Variants in MLLT10 observed in about 807,000 individuals in gnomAD.
MLLT10 encodes MLLT10 histone lysine methyltransferase DOT1L cofactor.
A neutral mutation model predicts 129.1 loss-of-function variants in MLLT10; 30 were observed. The observed-to-expected ratio is 0.23, with a 90% CI of 0.17 to 0.32. The LOEUF (loss-of-function observed/expected upper bound fraction) is 0.32. Ranked by LOEUF, MLLT10 falls within the 10% of genes least tolerant of loss-of-function variation. MLLT10 has a pLI of 1.00. For missense variants in MLLT10, 1,119 were observed against 1,268.3 expected (o/e 0.88, Z 1.79); for synonymous variants, 490 against 446.4 (o/e 1.10, Z -1.23).
chr10:21,611,121 T>C (rs141374219), intron 5 of MLLT10, among the ~76,000 whole-genome samples: 3,141 of 150,696 alleles, frequency 0.021, 45 homozygotes, highest in Middle Eastern at 0.038. Context: ...CTCAGCCTCC[T>C]GAGTAGCTGG....
At chr10:21,669,586 C>T (rs1232775712) in intron 9 of MLLT10, among the ~76,000 whole-genome samples, 4 of 152,116 alleles carry the variant, frequency 2.6e-5, no homozygotes, top group Non-Finnish European at 2.9e-5. Context: ...GCTGTGCATG[C>T]CTCAGATACT....
intron 13 of MLLT10, among the ~76,000 whole-genome samples, chr10:21,684,913 T>A (rs2053138940): frequency 6.6e-6 from 1 of 152,234 alleles, no homozygotes. Flanking sequence ...TGTTTGTATC[T>A]GTTGGTGTGG....
At chr10:21,655,163 T>C (rs1327502514) in intron 9 of MLLT10, among the ~76,000 whole-genome samples, 2 of 152,094 alleles carry the variant, frequency 1.3e-5, no homozygotes, top group East Asian at 3.8e-4. Flanking sequence ...GAAGACAAGA[T>C]CATTGGAAGA....
intron 14 of MLLT10, among the ~76,000 whole-genome samples, chr10:21,714,505 T>C (rs2056381853): frequency 6.6e-6 from 1 of 152,192 alleles, no homozygotes; most frequent in Admixed American, 6.5e-5. Flanking sequence ...TTCAGATTTG[T>C]AGTTTGATAG....
intron 8 of MLLT10, among the ~76,000 whole-genome samples, chr10:21,647,545 G>T (rs1372638535): frequency 2.0e-5 from 3 of 152,114 alleles, no homozygotes; most frequent in South Asian, 2.1e-4. Context: ...AGTAATGTAT[G>T]CAAGTGCTCA....
intron 5 of MLLT10, among the ~76,000 whole-genome samples, chr10:21,599,751 A>G (rs2043346309): frequency 6.6e-6 from 1 of 152,050 alleles, no homozygotes; most frequent in Non-Finnish European, 1.5e-5. Flanking sequence ...TTTTTTTTGT[A>G]GAGTTGAGGT....
intron 5 of MLLT10, 24 bp from the exon 6 acceptor site, chr10:21,612,324 G>GT: frequency 7.3e-7 from 1 of 1,377,036 alleles, no homozygotes; most frequent in Non-Finnish European, 1.0e-6. Context: ...TATGATTTTT[G>GT]TCTTTTTTTT....
intron 8 of MLLT10, among the ~76,000 whole-genome samples, chr10:21,629,267 A>G (rs747589154): frequency 3.3e-5 from 5 of 151,530 alleles, no homozygotes; most frequent in African/African-American, 4.8e-5. Context: ...TTCTGACTAA[A>G]TGTCTTATTT....
intron 13 of MLLT10, among the ~76,000 whole-genome samples, chr10:21,701,284 ATTT>A (rs57132583): frequency 1.6e-5 from 2 of 123,974 alleles, no homozygotes; most frequent in Non-Finnish European, 3.4e-5. Context: ...CATTTCATTG[ATTT>A]TTTTTTTTTT....
At chr10:21,599,991 GAT>G (rs1446950851) in intron 5 of MLLT10, among the ~76,000 whole-genome samples, 3 of 152,194 alleles carry the variant, frequency 2.0e-5, no homozygotes, top group Non-Finnish European at 4.4e-5. Context: ...AATATGGTAA[GAT>G]ATGTGCCCAA....
intron 3 of MLLT10, among the ~76,000 whole-genome samples, chr10:21,582,481 A>G (rs763763891): frequency 2.6e-4 from 40 of 152,072 alleles, no homozygotes; most frequent in Non-Finnish European, 4.7e-4. Flanking sequence ...TAAACTTTTT[A>G]TAGGTATGTA....
Position 21,707,189 on chromosome 10 carries a change from A to ATT in MLLT10, c.1700-6563_1700-6562dup, listed in dbSNP as rs1199544245. Among the ~76,000 whole-genome samples the ATT allele has an allele frequency of 4.5e-3, 547 of 122,472 alleles. 10 individuals are homozygous for ATT. Among genetic ancestry groups the ATT allele is most frequent in the African/African-American group, 0.012 (379 of 31,376 alleles). The allele number at this position is 122,472 out of a possible 152,430, so 80.3% of individuals were successfully genotyped here. A position where few individuals can be genotyped will look rare whatever the true frequency, so the allele number is the denominator to read the frequency against. ...TCTAATTTGTCATCAAGTTTAGATG[A>ATT]TTTTTTTTTTTTTTTTTTTTTGAGA... On this transcript the variant is annotated intron_variant, in intron 13 of 22. Transcript: ENST00000307729.
chr10:21,614,846 A>T lies in MLLT10; in HGVS notation c.525A>T (p.Gly175=). 6.2e-7 allele frequency: 1 copy of T among 1,612,546 alleles called. No homozygotes were observed. Among genetic ancestry groups the T allele is most frequent in the Non-Finnish European group, 8.5e-7 (1 of 1,179,600 alleles). ...AFHVTCAQFA[G]LLCEEEGNGA... is the part of the protein sequence containing the mutation. ...TTATTTTCAGCGCTCAGTTTGCCGG[A>T]CTGCTTTGTGAAGAAGAAGGTAATG... The change falls in exon 7 of 23, where the codon GGA becomes GGT. Residue 175 remains glycine, a synonymous_variant. Coordinates refer to ENST00000307729, the MANE Select transcript of MLLT10 (RefSeq NM_001195626.3).
At chr10:21,736,247 G>C (rs573930525) in intron 21 of MLLT10, among the ~76,000 whole-genome samples, 1 of 152,144 alleles carries the variant, frequency 6.6e-6, no homozygotes, top group African/African-American at 2.4e-5. Context: ...TGTTAAAATA[G>C]TATGGGCTAC....
At position 21,734,064 on chromosome 10, in the gene MLLT10, C is replaced by G; in HGVS notation, c.2793C>G (p.Thr931=). ...QTPVTMSQNP[T]PLTHTTVPPN... Reference sequence around the variant, plus strand: ...CTGTCACAATGTCCCAGAACCCTACCCCTCTCACCCACACAACCGTACCAC... The same window carrying G: ...CTGTCACAATGTCCCAGAACCCTACGCCTCTCACCCACACAACCGTACCAC... Residue 931 remains threonine, a synonymous_variant, in exon 20 of 23, where the codon ACC becomes ACG. Transcript: ENST00000307729. 9 of 1,614,050 alleles carry G rather than the reference C, an allele frequency of 5.6e-6. No homozygotes were observed. Among genetic ancestry groups the G allele is most frequent in the Non-Finnish European group, 7.6e-6 (9 of 1,179,974 alleles).
chr10:21,606,819 A>G (rs1397945363), intron 5 of MLLT10, among the ~76,000 whole-genome samples: 1 of 152,234 alleles, frequency 6.6e-6, no homozygotes, highest in Non-Finnish European at 1.5e-5. Flanking sequence ...AATATGCCCT[A>G]TGCTTAGTTG....
At chr10:21,584,473 ATT>A (rs1054394497) in intron 3 of MLLT10, among the ~76,000 whole-genome samples, 1 of 150,690 alleles carries the variant, frequency 6.6e-6, no homozygotes, top group African/African-American at 2.4e-5. Flanking sequence ...AATAGGCTCT[ATT>A]TTTTTTTAAA....
rs934117423 is a variant in MLLT10 at position 21,624,693 on chromosome 10, C to T, written c.699+7486C>T. 1.3e-4 allele frequency: 178 copies of T among 1,401,212 alleles called. 1 individual carries two copies. The highest frequency in any genetic ancestry group is 1.4e-4 in the Non-Finnish European group (138 of 993,766). 86.8% of individuals were successfully genotyped at this position (1,401,212 alleles called of 1,614,324 possible). A position where few individuals can be genotyped will look rare whatever the true frequency, so the allele number is the denominator to read the frequency against. ...CCACCTTGCTGAAGCGGCTGCTGAGCGATGGGTTGAGAGACCCAGTTCTGT... is the reference window on the plus strand; with the variant it reads ...CCACCTTGCTGAAGCGGCTGCTGAGTGATGGGTTGAGAGACCCAGTTCTGT... On this transcript the variant is annotated intron_variant, in intron 8 of 22. Transcript: ENST00000307729.
At chr10:21,629,433 C>T (rs777001950) in intron 8 of MLLT10, among the ~76,000 whole-genome samples, 18 of 151,970 alleles carry the variant, frequency 1.2e-4, no homozygotes, top group Non-Finnish European at 1.5e-4. Context: ...CTGTTCAGTA[C>T]GGGTAGGCAC....
Sources: allele counts gnomAD v4.1 joint callset (sites outside exome capture counted in the v4.1 genomes callset), GRCh38; gene constraint gnomAD v4.1.1; transcripts MANE v1.5; gene names NCBI Gene and HGNC (gene_info 2026-07-23, HGNC 2026-07-21).